The following SMIM7 variants were observed in gnomAD, a reference collection of about 807,000 sequenced individuals.
The protein encoded by SMIM7 is UPF0608 protein C19orf42.
A neutral mutation model predicts 13.3 loss-of-function variants in SMIM7; 12 were observed. That is an observed-to-expected ratio of 0.90 (90% CI 0.58 to 1.46). The LOEUF is 1.46. SMIM7 is among the 40% of genes most tolerant of loss of function. The pLI, the probability that SMIM7 is intolerant of heterozygous loss-of-function variation, is 0.00. For synonymous variants in SMIM7, 36 were observed against 35.8 expected (o/e 1.01, Z -0.02); for missense variants, 114 against 94.8 (o/e 1.20, Z -0.84).
intron 4 of SMIM7, chr19:16,652,596 G>A: frequency 8.1e-7 from 1 of 1,239,040 alleles, no homozygotes; most frequent in Non-Finnish European, 1.0e-6. Context: ...TCTCTGCCAG[G>A]TAGGATACCT....
chr19:16,656,932 C>T (rs1001941159), intron 3 of SMIM7, among the ~76,000 whole-genome samples: 10 of 152,070 alleles, frequency 6.6e-5, no homozygotes, highest in African/African-American at 2.2e-4. Flanking sequence ...AAAAAACAGG[C>T]TTTCTGAGGA....
intron 4 of SMIM7, among the ~76,000 whole-genome samples, chr19:16,633,455 CAAAAAAAAAGAAAAAAAAA>C (rs1465720832): frequency 3.3e-5 from 2 of 60,104 alleles, no homozygotes; most frequent in Non-Finnish European, 6.1e-5. Context: ...GAATCTGTCT[CAAAAAAAAAGAAAAAAAAA>C]AAAAAAAAAG....
At chr19:16,652,796 G>A in intron 4 of SMIM7, 2 of 1,527,782 alleles carry the variant, frequency 1.3e-6, no homozygotes, top group Middle Eastern at 1.7e-4. Flanking sequence ...CTCTCTTTCT[G>A]GGGGAAGCAT....
At chr19:16,638,688 T>A (rs1386623470) in intron 4 of SMIM7, among the ~76,000 whole-genome samples, 1 of 152,160 alleles carries the variant, frequency 6.6e-6, no homozygotes, top group Non-Finnish European at 1.5e-5. Flanking sequence ...CTGACTAATA[T>A]ACCACCATCT....
intron 4 of SMIM7, chr19:16,640,464 G>C (rs1396345993): frequency 6.6e-6 from 1 of 152,218 alleles, no homozygotes; most frequent in East Asian, 1.9e-4. Context: ...TTTGGTAAAG[G>C]ATATAATGAA....
chr19:16,658,740 T>TTCAC (rs1193501780), intron 3 of SMIM7, among the ~76,000 whole-genome samples: 3 of 152,172 alleles, frequency 2.0e-5, no homozygotes, highest in African/African-American at 7.2e-5. Flanking sequence ...CATTCATTCA[T>TTCAC]TCACAGGCAT....
At chr19:16,648,067 A>C (rs2086472829) in intron 4 of SMIM7, among the ~76,000 whole-genome samples, 1 of 152,222 alleles carries the variant, frequency 6.6e-6, no homozygotes, top group Non-Finnish European at 1.5e-5. Context: ...TGGGTTACAC[A>C]ATGATTTCTT....
At chr19:16,631,879 T>TA (rs1020911738) in intron 4 of SMIM7, among the ~76,000 whole-genome samples, 2 of 151,304 alleles carry the variant, frequency 1.3e-5, no homozygotes, top group Non-Finnish European at 3.0e-5. Flanking sequence ...GAATTTTTTT[T>TA]TTTTTTTTTT....
chr19:16,650,119 G>A (rs190555384), intron 4 of SMIM7, among the ~76,000 whole-genome samples: 79 of 152,184 alleles, frequency 5.2e-4, no homozygotes, highest in African/African-American at 1.8e-3. Context: ...CCTTTTACTT[G>A]TAAAACCTCT....
At chr19:16,653,868 T>G (rs116922240) in intron 4 of SMIM7, 167 bp downstream of exon 4, 14,321 of 629,048 alleles carry the variant, frequency 0.023, 245 homozygotes, top group Non-Finnish European at 0.029. Context: ...GCACTCCAGT[T>G]TAGGCGACAG....
chr19:16,633,216 G>A (rs2086334495), intron 4 of SMIM7, among the ~76,000 whole-genome samples: 2 of 151,926 alleles, frequency 1.3e-5, no homozygotes, highest in Non-Finnish European at 2.9e-5. Flanking sequence ...CAGCACTTTG[G>A]GAGGCAGAAG....
chr19:16,652,479 G>A (rs1469867050), intron 4 of SMIM7: 2 of 973,824 alleles, frequency 2.1e-6, no homozygotes, highest in Non-Finnish European at 2.5e-6. Context: ...TGGGATTACA[G>A]GCCTGAGCCA....
chr19:16,659,575 C>T (rs1375926438), intron 2 of SMIM7, 128 bp from the exon 3 acceptor site: 2 of 914,782 alleles, frequency 2.2e-6, no homozygotes, highest in African/African-American at 1.6e-5. Context: ...GCTGTGTGAC[C>T]TCTGACGTTC....
chr19:16,647,832 T>C (rs866405520), intron 4 of SMIM7, among the ~76,000 whole-genome samples: 1 of 152,198 alleles, frequency 6.6e-6, no homozygotes, highest in African/African-American at 2.4e-5. Flanking sequence ...GTATTATCTT[T>C]GCAACATTTC....
intron 3 of SMIM7, chr19:16,659,072 C>T (rs1273748330): frequency 8.1e-6 from 3 of 372,454 alleles, no homozygotes; most frequent in East Asian, 1.2e-4. Flanking sequence ...CACTTGAACC[C>T]AGGAGTTCGA....
At chr19:16,634,271 A>T (rs1363790290) in intron 4 of SMIM7, 1 of 152,172 alleles carries the variant, frequency 6.6e-6, no homozygotes, top group Non-Finnish European at 1.5e-5. Context: ...GGGACTTCAC[A>T]TGAGGGCTCC....
intron 4 of SMIM7, chr19:16,639,069 A>T (rs2086382384): frequency 6.6e-6 from 1 of 151,982 alleles, no homozygotes; most frequent in South Asian, 2.1e-4. Context: ...CAAGATAATA[A>T]TGTAAACTAG....
exon 5 of SMIM7, chr19:16,631,295 A>C (rs1169507528): frequency 1.3e-5 from 2 of 152,248 alleles, no homozygotes; most frequent in Non-Finnish European, 2.9e-5. Context: ...TAGAGGCAGG[A>C]GAATTGCATG....
intron 4 of SMIM7, among the ~76,000 whole-genome samples, chr19:16,647,548 G>A (rs911199117): frequency 6.7e-6 from 1 of 149,474 alleles, no homozygotes; most frequent in South Asian, 2.1e-4. Flanking sequence ...CTCTGCATCC[G>A]AGATTCAAGC....
Sources: gnomAD v4.1 joint callset for allele counts (sites outside exome capture counted in the v4.1 genomes callset) on GRCh38, gnomAD v4.1.1 for gene constraint, MANE v1.5 for transcripts, NCBI Gene and HGNC (gene_info 2026-07-23, HGNC 2026-07-21) for gene names.